The following ANAPC1 variants were observed in gnomAD, a reference collection of about 807,000 sequenced individuals.
ANAPC1 encodes the protein anaphase-promoting complex subunit 1.
Under a neutral mutation model 208.0 loss-of-function variants are expected in ANAPC1, and 36 were observed. The observed-to-expected ratio is 0.17, with a 90% CI of 0.13 to 0.23. The LOEUF is 0.23. Among genes scored for constraint, ANAPC1 ranks in the 10% least tolerant of loss-of-function variants. The pLI is 1.00. For missense variants in ANAPC1, 942 were observed against 2,011.6 expected, an observed-to-expected ratio of 0.47 and a Z score of 10.17; for synonymous variants, 378 against 695.2, an observed-to-expected ratio of 0.54 and a Z score of 7.18.
Position 111,880,735 on chromosome 2 carries a change from G to A in ANAPC1, c.91C>T (p.His31Tyr). The A allele has an allele frequency of 6.2e-7, 1 of 1,613,864 alleles. No individual in the cohort carries two copies. Among genetic ancestry groups the A allele is most frequent in the Non-Finnish European group, 8.5e-7 (1 of 1,179,856 alleles). ...AGTTGAAGGTTCAAAGCATTAGGGT[G>A]GTGCTTGCAGTGGTCTCGACCAAAA... ...VPFGRDHCKH[H>Y]PNALNLQLRQ... The change falls in exon 2 of 48, where the codon CAC (histidine) becomes TAC (tyrosine). Residue 31 changes from histidine (H) to tyrosine (Y), a missense_variant. Physicochemically the swap from His to Tyr is moderately conservative, Grantham distance 83 (BLOSUM62 2). Coordinates refer to ENST00000341068, the MANE Select transcript of ANAPC1 (RefSeq NM_022662.4).
At chr2:111,777,444 C>T (rs62164150) in intron 45 of ANAPC1, among the ~76,000 whole-genome samples, 10,501 of 151,108 alleles carry the variant, frequency 0.069, 530 homozygotes, top group South Asian at 0.21. Flanking sequence ...ATAATACTGC[C>T]CTTGAGATCC....
At chr2:111,798,191 A>G (rs1678256754) in intron 34 of ANAPC1, among the ~76,000 whole-genome samples, 2 of 147,778 alleles carry the variant, frequency 1.4e-5, no homozygotes, top group South Asian at 2.2e-4. Flanking sequence ...AGACTCCAAC[A>G]GCCCACAGGA....
chr2:111,849,699 T>C (rs1249958333), intron 14 of ANAPC1, among the ~76,000 whole-genome samples: 1 of 151,534 alleles, frequency 6.6e-6, no homozygotes, highest in Non-Finnish European at 1.5e-5. Flanking sequence ...TCTCAAGGCC[T>C]CTCATATTAA....
chr2:111,857,840 G>C (rs1681818467), intron 11 of ANAPC1, among the ~76,000 whole-genome samples: 1 of 152,290 alleles, frequency 6.6e-6, no homozygotes, highest in East Asian at 1.9e-4. Context: ...CATGGTGGTA[G>C]ATCTATACAA....
chr2:111,799,552 C>CTT (rs1678337546), intron 34 of ANAPC1, among the ~76,000 whole-genome samples: 3 of 147,024 alleles, frequency 2.0e-5, no homozygotes, highest in African/African-American at 7.5e-5. Context: ...TAACATGATG[C>CTT]CCAAAGGAAA....
intron 44 of ANAPC1, chr2:111,779,668 C>T (rs1454522211): frequency 1.3e-5 from 2 of 154,278 alleles, no homozygotes; most frequent in South Asian, 2.0e-4. Flanking sequence ...GAGACTCCAT[C>T]GCTACAAAAA....
In ANAPC1 at chr2:111,878,930, T is replaced by G. The variant is rs763805242; in HGVS notation, c.255A>C (p.Glu85Asp). 1 of 1,587,332 alleles carries G rather than the reference T, an allele frequency of 6.3e-7. No individual in the cohort carries two copies. The highest frequency in any genetic ancestry group is 8.5e-7 in the Non-Finnish European group (1 of 1,172,364). Residue 85 changes from glutamate to aspartate, a missense_variant, in exon 3 of 48, where the codon GAA (glutamate) becomes GAC (aspartate). Coordinates refer to ENST00000341068, the MANE Select transcript of ANAPC1 (RefSeq NM_022662.4). The part of the protein sequence containing the change: ...QLRKGVSEIG[E>D]DVDYDEELYV... The stretch of plus-strand genomic sequence containing the variant: ...AGAGTTCCTCATCATAGTCCACATC[T>G]TCTCCAATTTCACTTACTCCTTTCC...
intron 14 of ANAPC1, among the ~76,000 whole-genome samples, chr2:111,850,333 C>G (rs184342752): frequency 6.6e-6 from 1 of 151,992 alleles, no homozygotes; most frequent in African/African-American, 2.4e-5. Flanking sequence ...CTACAGATAT[C>G]CTACTCAACC....
chr2:111,817,344 C>T (rs1205580187), intron 27 of ANAPC1, among the ~76,000 whole-genome samples: 1 of 151,366 alleles, frequency 6.6e-6, no homozygotes, highest in East Asian at 1.9e-4. Context: ...TAACATTTGC[C>T]AATTTTGCAT....
chr2:111,850,675 A>G (rs1681341478), intron 14 of ANAPC1, 101 bp downstream of exon 14: 2 of 1,443,256 alleles, frequency 1.4e-6, no homozygotes, highest in Non-Finnish European at 9.5e-7. Context: ...TTTATTCTGC[A>G]AGTAGAAACT....
At chr2:111,851,679 C>T (rs1343048396) in intron 13 of ANAPC1, among the ~76,000 whole-genome samples, 1 of 151,724 alleles carries the variant, frequency 6.6e-6, no homozygotes. Flanking sequence ...GGCGTGGTGG[C>T]GGGCGCCTGT....
chr2:111,791,738 G>A (rs1677885041), intron 38 of ANAPC1, among the ~76,000 whole-genome samples: 2 of 152,086 alleles, frequency 1.3e-5, no homozygotes, highest in African/African-American at 4.8e-5. Context: ...GCTATCTTTG[G>A]GGAAAGGAAG....
At chr2:111,781,750 T>C (rs1356879307) in intron 43 of ANAPC1, among the ~76,000 whole-genome samples, 2 of 152,262 alleles carry the variant, frequency 1.3e-5, no homozygotes, top group African/African-American at 4.8e-5. Context: ...GACAAATTTC[T>C]TGTGTTGGAA....
chr2:111,875,588 C>T (rs1682981532), intron 3 of ANAPC1, among the ~76,000 whole-genome samples: 1 of 152,192 alleles, frequency 6.6e-6, no homozygotes, highest in Admixed American at 6.5e-5. Context: ...TCTCCCTCCT[C>T]TCCAGTCAAT....
intron 14 of ANAPC1, among the ~76,000 whole-genome samples, 190 bp from the exon 15 acceptor site, chr2:111,848,055 G>A (rs1454956604): frequency 6.6e-6 from 1 of 151,718 alleles, no homozygotes; most frequent in Non-Finnish European, 1.5e-5. Flanking sequence ...GACTGAGACA[G>A]GAGAATCACT....
chr2:111,831,067 G>A (rs1046452704), intron 21 of ANAPC1, among the ~76,000 whole-genome samples: 9 of 152,194 alleles, frequency 5.9e-5, no homozygotes, highest in African/African-American at 2.2e-4. Context: ...GCGATGAACT[G>A]TCGATACAGG....
In ANAPC1 at chr2:111,862,611, C is replaced by G; in HGVS notation, c.1053-13G>C. On this transcript the variant is annotated splice_polypyrimidine_tract_variant and intron_variant, in intron 9 of 47. Coordinates refer to ENST00000341068, the MANE Select transcript of ANAPC1 (RefSeq NM_022662.4). ...AGAATGAGCACGACTGCAAAATAAA[C>G]AGAGGAGAGAGTACATCACAGTTAG... is the stretch of plus-strand genomic sequence containing the variant. 1 of 1,606,650 alleles carries G rather than the reference C, an allele frequency of 6.2e-7. No individual in the cohort carries two copies. The highest frequency in any genetic ancestry group is 8.5e-7 in the Non-Finnish European group (1 of 1,176,964).
At chr2:111,834,926 T>C (rs1680383893) in intron 18 of ANAPC1, 54 bp from the exon 19 acceptor site, 2 of 1,298,928 alleles carry the variant, frequency 1.5e-6, no homozygotes. Flanking sequence ...CCTTATAATA[T>C]CATAAGAAAA....
intron 47 of ANAPC1, among the ~76,000 whole-genome samples, chr2:111,770,022 T>C (rs1257658048): frequency 2.7e-5 from 4 of 150,094 alleles, no homozygotes; most frequent in Non-Finnish European, 4.4e-5. Flanking sequence ...AAATCCAAAA[T>C]GCTGTAATGA....
Sources: gnomAD v4.1 joint callset for allele counts (sites outside exome capture counted in the v4.1 genomes callset) on GRCh38, gnomAD v4.1.1 for gene constraint, MANE v1.5 for transcripts, NCBI Gene and HGNC (gene_info 2026-07-23, HGNC 2026-07-21) for gene names.